The following USP9X variants were observed in gnomAD, a reference collection of about 807,000 sequenced individuals.
USP9X encodes the protein ubiquitin carboxyl-terminal hydrolase 9X.
Under a neutral mutation model 190.3 loss-of-function variants are expected in USP9X, and 7 were observed. The ratio of observed to expected loss-of-function variants is 0.04; its 90% CI spans 0.02 to 0.07. The LOEUF (loss-of-function observed/expected upper bound fraction) is 0.07. USP9X is among the 10% of genes least tolerant of loss of function. The probability of loss-of-function intolerance (pLI) is 1.00; values close to 1 mark genes in which losing one functional copy is unlikely to be tolerated. For synonymous variants in USP9X, 645 were observed against 659.5 expected (o/e 0.98, Z 0.34); for missense variants, 1,010 against 1,916.9 (o/e 0.53, Z 8.83).
intron 1 of USP9X, among the ~76,000 whole-genome samples, chrX:41,109,624 T>C (rs1322828397): frequency 1.8e-5 from 2 of 112,344 alleles, no homozygotes; most frequent in African/African-American, 6.5e-5. Context: ...TGTATGTGTG[T>C]GTGAATAGTG....
intron 21 of USP9X, among the ~76,000 whole-genome samples, chrX:41,175,578 C>T (rs1252908907): frequency 9.0e-6 from 1 of 110,934 alleles, no homozygotes; most frequent in East Asian, 2.8e-4. Context: ...CTCTCTGCCC[C>T]AGTCCTGAAA....
At chrX:41,225,173 T>C in intron 41 of USP9X, 36 bp downstream of exon 41, 1 of 1,166,698 alleles carries the variant, frequency 8.6e-7, no homozygotes, top group Non-Finnish European at 1.2e-6. Context: ...ACAATTAGGC[T>C]TGCCCAGGTG....
intron 1 of USP9X, among the ~76,000 whole-genome samples, chrX:41,091,064 T>C (rs2061951997): frequency 9.0e-6 from 1 of 111,532 alleles, no homozygotes; most frequent in African/African-American, 3.3e-5. Context: ...AGCTAACATA[T>C]GAAGTGAGGT....
chrX:41,187,177 G>C (rs2062888224), intron 24 of USP9X, among the ~76,000 whole-genome samples: 1 of 111,988 alleles, frequency 8.9e-6, no homozygotes, highest in Non-Finnish European at 1.9e-5. Context: ...CCACTGCTGC[G>C]GTCGAAACCG....
At chrX:41,114,180 G>A (rs777749225) in intron 1 of USP9X, among the ~76,000 whole-genome samples, 1 of 112,420 alleles carries the variant, frequency 8.9e-6, no homozygotes, top group African/African-American at 3.2e-5. Flanking sequence ...CATGTTTAGT[G>A]CAATACCATA....
chrX:41,196,533 TA>T, intron 27 of USP9X, 58 bp from the exon 28 acceptor site: 2 of 1,182,253 alleles, frequency 1.7e-6, no homozygotes, highest in Non-Finnish European at 1.1e-6. Context: ...TCTGGGTTTT[TA>T]AAAAAGTGGA....
chrX:41,119,249 A>C (rs2062172929), intron 1 of USP9X, among the ~76,000 whole-genome samples: 1 of 111,311 alleles, frequency 9.0e-6, no homozygotes. Flanking sequence ...ATGGTGGCTC[A>C]CATCTGTAAT....
At chrX:41,192,854 G>A (rs2062949756) in intron 26 of USP9X, among the ~76,000 whole-genome samples, 1 of 111,350 alleles carries the variant, frequency 9.0e-6, no homozygotes, top group Admixed American at 9.6e-5. Context: ...AGGAATAAGT[G>A]CTATGGGGGT....
chrX:41,225,236 T>A, intron 41 of USP9X, 99 bp downstream of exon 41: 1 of 734,982 alleles, frequency 1.4e-6, no homozygotes, highest in Non-Finnish European at 2.0e-6. Flanking sequence ...CTATTGGAGT[T>A]CTAGTGAATG....
chrX:41,090,723 G>C (rs1488321019), intron 1 of USP9X, among the ~76,000 whole-genome samples: 1 of 111,422 alleles, frequency 9.0e-6, no homozygotes, highest in Non-Finnish European at 1.9e-5. Flanking sequence ...TGCATGTCAT[G>C]TGTTCCACCA....
intron 32 of USP9X, 25 bp downstream of exon 32, chrX:41,205,518 G>C (rs978298334): frequency 1.7e-6 from 2 of 1,152,059 alleles, no homozygotes; most frequent in African/African-American, 3.6e-5. Context: ...GACAGTAATA[G>C]AGATACTTCT....
intron 1 of USP9X, among the ~76,000 whole-genome samples, chrX:41,088,541 CTT>C (rs2061930178): frequency 8.9e-6 from 1 of 112,138 alleles, no homozygotes; most frequent in African/African-American, 3.2e-5. Context: ...TAAAACCAAT[CTT>C]TGTTTAAAAC....
At chrX:41,211,641 C>T (rs895552192) in intron 33 of USP9X, among the ~76,000 whole-genome samples, 4 of 97,875 alleles carry the variant, frequency 4.1e-5, no homozygotes, top group South Asian at 9.6e-4. Context: ...CCCGGCCAGC[C>T]GCCCCGTCCG....
intron 10 of USP9X, 56 bp from the exon 11 acceptor site, chrX:41,144,466 C>T: frequency 2.1e-6 from 2 of 965,532 alleles, no homozygotes; most frequent in Non-Finnish European, 3.0e-6. Flanking sequence ...GTATACACTA[C>T]TTAATCTATT....
intron 1 of USP9X, among the ~76,000 whole-genome samples, chrX:41,099,330 G>T (rs2062019359): frequency 9.1e-6 from 1 of 109,825 alleles, no homozygotes; most frequent in African/African-American, 3.3e-5. Context: ...GTCTTTTGCT[G>T]CATATCCAGG....
intron 1 of USP9X, among the ~76,000 whole-genome samples, chrX:41,094,810 G>A (rs1461002514): frequency 9.2e-6 from 1 of 109,102 alleles, no homozygotes; most frequent in Non-Finnish European, 1.9e-5. Flanking sequence ...AGGCTGAGGC[G>A]GGCAGATCAC....
chrX:41,187,449 G>C (rs1003806502), intron 24 of USP9X, among the ~76,000 whole-genome samples: 2 of 112,269 alleles, frequency 1.8e-5, no homozygotes, highest in Non-Finnish European at 3.8e-5. Context: ...CCATATACTT[G>C]GTGAAGGACA....
intron 35 of USP9X, 108 bp from the exon 36 acceptor site, chrX:41,217,112 G>A: frequency 1.1e-6 from 1 of 877,986 alleles, no homozygotes; most frequent in Non-Finnish European, 1.6e-6. Context: ...AGCCTGAGAA[G>A]GGTTCTTAAC....
intron 1 of USP9X, among the ~76,000 whole-genome samples, chrX:41,094,614 GA>G (rs1186529695): frequency 9.0e-6 from 1 of 111,527 alleles, no homozygotes; most frequent in Non-Finnish European, 1.9e-5. Context: ...TGAATTCATT[GA>G]TTTAATATAG....
Sources: gnomAD v4.1 joint callset for allele counts (sites outside exome capture counted in the v4.1 genomes callset) on GRCh38, gnomAD v4.1.1 for gene constraint, MANE v1.5 for transcripts, NCBI Gene and HGNC (gene_info 2026-07-23, HGNC 2026-07-21) for gene names.